Variants in TLCD3B observed in about 807,000 individuals in gnomAD.
The protein encoded by TLCD3B is ceramide synthase.
A neutral mutation model predicts 23.0 loss-of-function variants in TLCD3B; 9 were observed. The observed-to-expected ratio is 0.39, with a 90% confidence interval of 0.24 to 0.68. TLCD3B has a LOEUF of 0.68. Ranked by LOEUF, TLCD3B falls within the 30% of genes least tolerant of loss-of-function variation. The pLI, the probability that TLCD3B is intolerant of heterozygous loss-of-function variation, is 0.44. For synonymous variants in TLCD3B, 161 were observed against 161.0 expected, an observed-to-expected ratio of 1.00 and a Z score of 0.00; for missense variants, 307 against 371.8, an observed-to-expected ratio of 0.83 and a Z score of 1.43.
intron 3 of TLCD3B, among the ~76,000 whole-genome samples, chr16:30,038,770 A>AT (rs1293805995): frequency 4.0e-5 from 6 of 151,768 alleles, no homozygotes; most frequent in Admixed American, 6.6e-5. Flanking sequence ...AAAAAAAAAA[A>AT]TTTAATTAAA....
chr16:30,037,542 C>CA (rs78393499), intron 3 of TLCD3B, among the ~76,000 whole-genome samples: 4,856 of 80,002 alleles, frequency 0.061, 111 homozygotes, highest in East Asian at 0.14. Flanking sequence ...GACTGTGTTT[C>CA]AAAAAAAAAA....
chr16:30,032,444 A>G (rs143102115), upstream of TLCD3B, among the ~76,000 whole-genome samples: 81 of 152,188 alleles, frequency 5.3e-4, no homozygotes, highest in African/African-American at 2.0e-3. Flanking sequence ...AGCACCCAAG[A>G]AGTCTCACGC....
chr16:30,034,524 G>A (rs1469015408), upstream of TLCD3B, among the ~76,000 whole-genome samples: 2 of 151,866 alleles, frequency 1.3e-5, no homozygotes, highest in Admixed American at 6.6e-5. Context: ...AGCCATGATC[G>A]TGCCACTGCA....
At chr16:30,026,181 G>A (rs1037825936) in intron 3 of TLCD3B, among the ~76,000 whole-genome samples, 1 of 150,274 alleles carries the variant, frequency 6.7e-6, no homozygotes, top group African/African-American at 2.5e-5. Flanking sequence ...GTTTCAGTGA[G>A]CCGAGATCAC....
chr16:30,051,521 C>CAAAA (rs199594296), intron 1 of TLCD3B, among the ~76,000 whole-genome samples: 1 of 62,842 alleles, frequency 1.6e-5, no homozygotes, highest in African/African-American at 4.9e-5. Context: ...AACTCCGTTT[C>CAAAA]AAAAAAAAAA....
chr16:30,044,016 T>C (rs1443349004), intron 2 of TLCD3B, among the ~76,000 whole-genome samples: 1 of 150,172 alleles, frequency 6.7e-6, no homozygotes, highest in East Asian at 2.0e-4. Context: ...TGTCCTTTTT[T>C]TTTTTTTTTT....
intron 2 of TLCD3B, among the ~76,000 whole-genome samples, chr16:30,044,461 C>T (rs2071625910): frequency 1.3e-5 from 2 of 151,664 alleles, no homozygotes; most frequent in Admixed American, 6.6e-5. Flanking sequence ...GTGCCTGCCA[C>T]CACACTCGGC....
intron 1 of TLCD3B, among the ~76,000 whole-genome samples, chr16:30,047,701 C>G (rs2071694002): frequency 6.6e-6 from 1 of 151,868 alleles, no homozygotes; most frequent in Admixed American, 6.6e-5. Context: ...TCAGGTGATC[C>G]ACCCGCCTCA....
At chr16:30,026,897 A>G in intron 2 of TLCD3B, 54 bp from the exon 3 acceptor site, 1 of 1,486,500 alleles carries the variant, frequency 6.7e-7, no homozygotes, top group South Asian at 1.2e-5. Flanking sequence ...GACACCAGTG[A>G]TTGGGGTCAG....
chr16:30,039,436 C>G (rs1359222432), intron 3 of TLCD3B, among the ~76,000 whole-genome samples: 1 of 151,388 alleles, frequency 6.6e-6, no homozygotes. Context: ...TCCTCATATT[C>G]TTTTGAGACA....
upstream of TLCD3B, chr16:30,035,499 G>C: frequency 7.8e-7 from 1 of 1,289,308 alleles, no homozygotes; most frequent in South Asian, 1.2e-5. Flanking sequence ...CAAGAAGGCA[G>C]AAAAAGACGG....
chr16:30,030,149 G>T, intron 1 of TLCD3B: 1 of 1,485,594 alleles, frequency 6.7e-7, no homozygotes, highest in Non-Finnish European at 9.1e-7. Context: ...GTTTTGGAGG[G>T]TGGGAGGGTG....
chr16:30,035,766 C>T (rs867905491), upstream of TLCD3B, among the ~76,000 whole-genome samples: 4 of 137,170 alleles, frequency 2.9e-5, no homozygotes, highest in Non-Finnish European at 3.2e-5. Context: ...TTTCTTTTTT[C>T]TTTTTTTTTT....
At chr16:30,048,546 A>G (rs2071706414) in intron 1 of TLCD3B, among the ~76,000 whole-genome samples, 1 of 152,124 alleles carries the variant, frequency 6.6e-6, no homozygotes, top group Non-Finnish European at 1.5e-5. Flanking sequence ...CAGTGAGGTC[A>G]ATTGACTTGT....
At chr16:30,035,387 T>C (rs2071447891), upstream of TLCD3B, 1 of 1,289,676 alleles carries the variant, frequency 7.8e-7, no homozygotes, top group Non-Finnish European at 1.0e-6. Context: ...TCTCTCCATC[T>C]GCAGGTTGGT....
intron 3 of TLCD3B, among the ~76,000 whole-genome samples, chr16:30,037,290 C>T (rs1037146194): frequency 1.3e-5 from 2 of 151,646 alleles, no homozygotes; most frequent in African/African-American, 4.8e-5. Context: ...CGCCTGTAAT[C>T]CCAGCACTTT....
chr16:30,052,274 G>A lies in TLCD3B; in HGVS notation c.-294+500C>T, dbSNP rs143195977. 8.5e-3 allele frequency among the ~76,000 whole-genome samples: 1,272 copies of A among 150,410 alleles called. 6 individuals carry two copies. Among genetic ancestry groups the A allele is most frequent in the African/African-American group, 0.029 (1,188 of 40,916 alleles). On this transcript the variant is annotated intron_variant, in intron 1 of 6. Transcript: ENST00000561666. ...TCTCAGCTACTCGGGAGGCTGAGGC[G>A]GGAGAATCGCTTGAACCCAGGAGAC...
Position 30,025,063 on chromosome 16 carries a change from A to G in TLCD3B, c.*120T>C. ...ATGGGGCCTCTTCCCTTTCGGGGTC[A>G]TCGTCAGTCCTGGGGTTGTCCGGGC... On this transcript the variant is annotated 3_prime_UTR_variant, in exon 5 of 5. Coordinates refer to ENST00000380495, the MANE Select transcript of TLCD3B (RefSeq NM_031478.6). This position sits in a 1 kb window ranked among gnomAD's most constrained non-coding sequence, Gnocchi z 4.1. 2 of 653,356 alleles carry G rather than the reference A, an allele frequency of 3.1e-6. No homozygotes were observed. The highest frequency in any genetic ancestry group is 2.5e-6 in the Non-Finnish European group (1 of 405,252). The allele number at this position is 653,356 out of a possible 1,614,324, so 40.5% of individuals were successfully genotyped here.
chr16:30,045,224 G>C (rs1227523603), intron 2 of TLCD3B, among the ~76,000 whole-genome samples: 1 of 151,024 alleles, frequency 6.6e-6, no homozygotes, highest in Non-Finnish European at 1.5e-5. Context: ...ATTGGAAAGA[G>C]AAAGAGAGTA....
Sources: gnomAD v4.1 joint callset for allele counts (sites outside exome capture counted in the v4.1 genomes callset) on GRCh38, gnomAD v4.1.1 for gene constraint, Gnocchi (gnomAD v3.1) non-coding constraint, MANE v1.5 for transcripts, NCBI Gene and HGNC (gene_info 2026-07-23, HGNC 2026-07-21) for gene names.